MICU1: variants seen among roughly 807,000 people sequenced by gnomAD.
The protein encoded by MICU1 is calcium uptake protein 1, mitochondrial.
In MICU1, 45 loss-of-function variants were observed where a neutral mutation model predicts 56.8. That is an observed-to-expected ratio of 0.79 (90% CI 0.62 to 1.02). The LOEUF (loss-of-function observed/expected upper bound fraction) is 1.02. Ranked by LOEUF, MICU1 falls within the 50% of genes least tolerant of loss-of-function variation. MICU1 has a pLI of 0.00. For synonymous variants in MICU1, 186 were observed against 195.1 expected (o/e 0.95, Z 0.39); for missense variants, 504 against 587.1 (o/e 0.86, Z 1.46).
chr10:72,551,017 T>C (rs1840022154), intron 4 of MICU1, among the ~76,000 whole-genome samples, 162 bp downstream of exon 4: 1 of 152,208 alleles, frequency 6.6e-6, no homozygotes, highest in Non-Finnish European at 1.5e-5. Flanking sequence ...CAGGCTTCTC[T>C]TTTGTACTCC....
intron 8 of MICU1, among the ~76,000 whole-genome samples, chr10:72,467,443 A>G (rs1265581783): frequency 1.3e-5 from 2 of 152,074 alleles, no homozygotes; most frequent in African/African-American, 4.8e-5. Flanking sequence ...TCTTCCTCCC[A>G]AAGTGCTGGG....
At chr10:72,437,789 A>G (rs1864781257) in intron 8 of MICU1, among the ~76,000 whole-genome samples, 1 of 152,206 alleles carries the variant, frequency 6.6e-6, no homozygotes, top group Non-Finnish European at 1.5e-5. Context: ...CAAAGATCAA[A>G]AGAGACAAAG....
At chr10:72,398,294 T>A (rs1863335114) in intron 10 of MICU1, among the ~76,000 whole-genome samples, 1 of 152,172 alleles carries the variant, frequency 6.6e-6, no homozygotes, top group African/African-American at 2.4e-5. Flanking sequence ...TAAAGCAGTG[T>A]ATAGAGGGAA....
intron 6 of MICU1, among the ~76,000 whole-genome samples, chr10:72,503,997 T>C (rs1299968572): frequency 1.3e-5 from 2 of 151,388 alleles, no homozygotes; most frequent in Non-Finnish European, 2.9e-5. Context: ...TACAACCAAA[T>C]GGAAAAACAT....
intron 3 of MICU1, among the ~76,000 whole-genome samples, chr10:72,557,042 G>A (rs1455923558): frequency 1.3e-5 from 2 of 151,946 alleles, no homozygotes; most frequent in Admixed American, 6.6e-5. Flanking sequence ...CTCTAGCCTG[G>A]GTGACAGAGC....
intron 5 of MICU1, among the ~76,000 whole-genome samples, chr10:72,526,932 CAA>C (rs57033966): frequency 6.3e-5 from 8 of 127,630 alleles, no homozygotes; most frequent in East Asian, 4.3e-4. Flanking sequence ...GTAATGGCTT[CAA>C]AAAAAAAAAA....
chr10:72,378,194 A>G (rs975431893), intron 10 of MICU1, among the ~76,000 whole-genome samples: 9 of 152,218 alleles, frequency 5.9e-5, no homozygotes, highest in Non-Finnish European at 1.3e-4. Context: ...CGGAGGTTGC[A>G]GTGAGCCAAG....
chr10:72,406,939 T>C (rs1863650662), intron 10 of MICU1, among the ~76,000 whole-genome samples: 1 of 152,178 alleles, frequency 6.6e-6, no homozygotes, highest in Non-Finnish European at 1.5e-5. Context: ...ATTCATACAA[T>C]GGGTTACTAC....
intron 8 of MICU1, among the ~76,000 whole-genome samples, chr10:72,463,984 T>G (rs1865712558): frequency 6.6e-6 from 1 of 152,206 alleles, no homozygotes; most frequent in Non-Finnish European, 1.5e-5. Context: ...ACCATTGTTT[T>G]ACAATTGCCT....
chr10:72,522,530 C>T (rs1221044193), intron 5 of MICU1, among the ~76,000 whole-genome samples: 1 of 152,254 alleles, frequency 6.6e-6, no homozygotes, highest in East Asian at 1.9e-4. Context: ...TTTATTTTCT[C>T]AACTTGAATA....
intron 1 of MICU1, among the ~76,000 whole-genome samples, chr10:72,602,716 A>G (rs1275284890): frequency 1.3e-5 from 2 of 152,346 alleles, no homozygotes; most frequent in East Asian, 1.9e-4. Context: ...AACATGCAGC[A>G]TATCTTATGG....
At chr10:72,434,358 C>G (rs563304322) in intron 8 of MICU1, among the ~76,000 whole-genome samples, 3 of 152,016 alleles carry the variant, frequency 2.0e-5, no homozygotes, top group Admixed American at 6.6e-5. Context: ...TATGAATAAG[C>G]CTTAAACTCT....
At chr10:72,488,428 A>G (rs1866545402) in intron 6 of MICU1, among the ~76,000 whole-genome samples, 1 of 152,166 alleles carries the variant, frequency 6.6e-6, no homozygotes, top group East Asian at 1.9e-4. Context: ...ACACGTCAGT[A>G]TGGTCATTAC....
In MICU1 at chr10:72,475,243, G is replaced by T; in HGVS notation, c.790C>A (p.Pro264Thr). ...GACTTGAGGGTGTTGCCAGTAGTTGGACGATCTCTGTGGCGCATACCCATA... is the reference window on the plus strand; with the variant it reads ...GACTTGAGGGTGTTGCCAGTAGTTGTACGATCTCTGTGGCGCATACCCATA... ...TSMGMRHRDRPTTGNTLKSGL... is the reference protein window; with the variant it reads ...TSMGMRHRDRTTTGNTLKSGL... Residue 264 changes from proline (P) to threonine (T), a missense_variant, in exon 8 of 12, where the codon CCA becomes ACA. By Grantham distance (38) the Pro-to-Thr change is conservative. Coordinates refer to ENST00000361114, the MANE Select transcript of MICU1 (RefSeq NM_001195518.2). 3 of 1,610,110 alleles carry T rather than the reference G, an allele frequency of 1.9e-6. No individual in the cohort carries two copies. The South Asian group carries it at 3.3e-5, about 18-fold the overall frequency.
intron 1 of MICU1, among the ~76,000 whole-genome samples, chr10:72,569,226 TATATATA>T (rs1449182221): frequency 5.5e-4 from 29 of 53,054 alleles, no homozygotes; most frequent in East Asian, 4.5e-3. Context: ...TATATATATA[TATATATA>T]TATATTTTTT....
At chr10:72,532,247 G>A (rs1288096205) in intron 5 of MICU1, among the ~76,000 whole-genome samples, 2 of 151,826 alleles carry the variant, frequency 1.3e-5, no homozygotes, top group East Asian at 1.9e-4. Context: ...AAACCCGGGA[G>A]GTGGAGCTTG....
chr10:72,591,481 A>G (rs568446773), intron 1 of MICU1, among the ~76,000 whole-genome samples: 10 of 152,240 alleles, frequency 6.6e-5, no homozygotes, highest in Middle Eastern at 6.8e-3. Context: ...ACCTTTAGCT[A>G]GATGTACTAA....
chr10:72,565,307 C>T (rs1370486769), intron 2 of MICU1, among the ~76,000 whole-genome samples: 1 of 151,902 alleles, frequency 6.6e-6, no homozygotes, highest in Non-Finnish European at 1.5e-5. Flanking sequence ...TACTATGCAG[C>T]CATAAAACAT....
chr10:72,578,457 G>T (rs1193944284), intron 1 of MICU1, among the ~76,000 whole-genome samples: 2 of 150,702 alleles, frequency 1.3e-5, no homozygotes, highest in Non-Finnish European at 3.0e-5. Flanking sequence ...TAGAGGTGGG[G>T]TTTCACCATG....
Sources: allele counts gnomAD v4.1 joint callset (sites outside exome capture counted in the v4.1 genomes callset), GRCh38; gene constraint gnomAD v4.1.1; transcripts MANE v1.5; gene names NCBI Gene and HGNC (gene_info 2026-07-23, HGNC 2026-07-21).